The following TCF12 variants were observed in gnomAD, a reference collection of about 807,000 sequenced individuals.
TCF12 encodes DNA-binding protein HTF4.
In TCF12, 45 loss-of-function variants were observed where a neutral mutation model predicts 86.0. The ratio of observed to expected loss-of-function variants is 0.52; its 90% CI spans 0.41 to 0.67. TCF12 has a LOEUF of 0.67. TCF12 is among the 30% of genes least tolerant of loss of function. The pLI, the probability that TCF12 is intolerant of heterozygous loss-of-function variation, is 0.00. For missense variants in TCF12, 881 were observed against 859.9 expected (o/e 1.02, Z -0.31); for synonymous variants, 330 against 299.6 (o/e 1.10, Z -1.05).
At chr15:57,272,750 T>G (rs2061200335) in intron 18 of TCF12, among the ~76,000 whole-genome samples, 2 of 152,244 alleles carry the variant, frequency 1.3e-5, no homozygotes, top group South Asian at 4.1e-4. Context: ...GTTGTTGATC[T>G]TATATTTATG....
At chr15:57,141,497 G>A (rs2052961751) in intron 5 of TCF12, among the ~76,000 whole-genome samples, 4 of 152,122 alleles carry the variant, frequency 2.6e-5, no homozygotes, top group Admixed American at 2.6e-4. Flanking sequence ...TTACAGGCAT[G>A]CGCCACCACG....
At chr15:57,209,814 T>G (rs2058026475) in intron 8 of TCF12, among the ~76,000 whole-genome samples, 1 of 152,204 alleles carries the variant, frequency 6.6e-6, no homozygotes, top group South Asian at 2.1e-4. Context: ...GACTTCATCT[T>G]CTACCACTCT....
At chr15:57,023,895 T>C (rs190286281) in intron 3 of TCF12, among the ~76,000 whole-genome samples, 39 of 152,288 alleles carry the variant, frequency 2.6e-4, no homozygotes, top group African/African-American at 8.9e-4. Context: ...CATCAGGCAT[T>C]AGATTCTCAT....
intron 3 of TCF12, among the ~76,000 whole-genome samples, chr15:57,006,737 C>T (rs1414754413): frequency 6.9e-6 from 1 of 144,300 alleles, no homozygotes; most frequent in African/African-American, 2.5e-5. Context: ...GCCAACACAG[C>T]GAAACCCCAT....
intron 3 of TCF12, among the ~76,000 whole-genome samples, chr15:57,045,998 G>A (rs190224715): frequency 6.6e-6 from 1 of 152,280 alleles, no homozygotes; most frequent in East Asian, 1.9e-4. Flanking sequence ...TGCCTTCCAC[G>A]ATTTTCTTCA....
intron 6 of TCF12, among the ~76,000 whole-genome samples, chr15:57,176,530 C>T (rs1445173871): frequency 2.0e-5 from 3 of 152,166 alleles, no homozygotes; most frequent in Non-Finnish European, 4.4e-5. Context: ...ATTTGGTCCC[C>T]GCCATACTCA....
chr15:57,103,858 A>T (rs2049929898), intron 5 of TCF12, among the ~76,000 whole-genome samples: 1 of 152,140 alleles, frequency 6.6e-6, no homozygotes, highest in Admixed American at 6.6e-5. Context: ...TACAAAAAAA[A>T]TTAGCTGGGC....
intron 5 of TCF12, among the ~76,000 whole-genome samples, chr15:57,094,515 T>C (rs1313455201): frequency 6.6e-6 from 1 of 152,192 alleles, no homozygotes; most frequent in East Asian, 1.9e-4. Flanking sequence ...CAAACGTGGG[T>C]TTATAGCAAT....
chr15:57,241,491 A>C (rs1158213660), intron 12 of TCF12, among the ~76,000 whole-genome samples: 6 of 152,164 alleles, frequency 3.9e-5, no homozygotes, highest in Non-Finnish European at 8.8e-5. Context: ...TTTTAAATAG[A>C]GTATACAGTG....
chr15:57,184,575 G>C (rs1451966669), intron 6 of TCF12, among the ~76,000 whole-genome samples: 3 of 152,164 alleles, frequency 2.0e-5, no homozygotes, highest in African/African-American at 7.2e-5. Flanking sequence ...ATGAAAGTCA[G>C]TTTGGCACTG....
At chr15:57,098,016 A>C (rs1358282953) in intron 5 of TCF12, among the ~76,000 whole-genome samples, 3 of 147,820 alleles carry the variant, frequency 2.0e-5, no homozygotes, top group East Asian at 2.0e-4. Context: ...ATACAAAAAA[A>C]AAAAAAAAAA....
chr15:57,024,344 G>A (rs573875525), intron 3 of TCF12, among the ~76,000 whole-genome samples: 1 of 149,770 alleles, frequency 6.7e-6, no homozygotes, highest in South Asian at 2.1e-4. Flanking sequence ...CTTCTGAGTA[G>A]TTGAGATTAC....
At chr15:57,157,642 A>C (rs760248787) in intron 5 of TCF12, among the ~76,000 whole-genome samples, 20 of 150,650 alleles carry the variant, frequency 1.3e-4, no homozygotes, top group South Asian at 2.1e-4. Flanking sequence ...GGCTCACTGC[A>C]ACCTCCACCT....
At chr15:57,284,485 C>T (rs547822847) in intron 20 of TCF12, among the ~76,000 whole-genome samples, 2 of 152,320 alleles carry the variant, frequency 1.3e-5, no homozygotes, top group South Asian at 4.1e-4. Context: ...GCTGGCGTTA[C>T]AGGCGTGAGC....
chr15:57,211,481 C>G (rs765447070), intron 8 of TCF12, among the ~76,000 whole-genome samples: 5 of 152,112 alleles, frequency 3.3e-5, no homozygotes, highest in African/African-American at 4.8e-5. Context: ...TTATATATAA[C>G]TAGCCTTTTA....
At chr15:57,001,412 C>T (rs923628920) in intron 3 of TCF12, 7 of 179,576 alleles carry the variant, frequency 3.9e-5, no homozygotes, top group Admixed American at 3.1e-4. Flanking sequence ...AAAGGACGTT[C>T]TTCTACTTAC....
At position 57,275,527 on chromosome 15, in the gene TCF12, G is replaced by A. The variant is rs141972766; in HGVS notation, c.1978+2265G>A. ...ACCCTTCATACAGGCCACAATACCT[G>A]TGCCTTGTCTTTGGCAACACCTTCA... On this transcript the variant is annotated intron_variant, in intron 19 of 20. Transcript: ENST00000333725. 5.2e-3 allele frequency among the ~76,000 whole-genome samples: 791 copies of A among 152,046 alleles called. 3 individuals are homozygous for A. The highest frequency in any genetic ancestry group is 0.015 in the African/African-American group (607 of 41,470).
chr15:57,018,201 A>G (rs2065264232), intron 3 of TCF12, among the ~76,000 whole-genome samples: 1 of 152,252 alleles, frequency 6.6e-6, no homozygotes, highest in African/African-American at 2.4e-5. Flanking sequence ...ATTGATTAGC[A>G]GCAGTTACAG....
At chr15:57,251,132 G>T (rs897758597) in intron 13 of TCF12, 10 of 437,652 alleles carry the variant, frequency 2.3e-5, no homozygotes, top group East Asian at 7.5e-5. Context: ...AAATTACAGG[G>T]TTTTTTTTCT....
Sources: gnomAD v4.1 joint callset for allele counts (sites outside exome capture counted in the v4.1 genomes callset) on GRCh38, gnomAD v4.1.1 for gene constraint, MANE v1.5 for transcripts, NCBI Gene and HGNC (gene_info 2026-07-23, HGNC 2026-07-21) for gene names.